Variants in SLC2A14 observed in about 807,000 individuals in gnomAD.
The protein encoded by SLC2A14 is solute carrier family 2 member 14.
Under a neutral mutation model 43.0 loss-of-function variants are expected in SLC2A14, and 13 were observed. The ratio of observed to expected loss-of-function variants is 0.30; its 90% CI spans 0.20 to 0.48. The LOEUF is 0.48. Among genes scored for constraint, SLC2A14 ranks in the 20% least tolerant of loss-of-function variants. The pLI, the probability that SLC2A14 is intolerant of heterozygous loss-of-function variation, is 0.99. For synonymous variants in SLC2A14, 190 were observed against 233.8 expected (o/e 0.81, Z 1.71); for missense variants, 428 against 620.4 (o/e 0.69, Z 3.29).
chr12:7,871,259 C>G, intron 1 of SLC2A14: 1 of 1,201,790 alleles, frequency 8.3e-7, no homozygotes, highest in Non-Finnish European at 1.1e-6. Context: ...GACAGCTTCA[C>G]AGATGAAGAA....
Position 7,829,817 on chromosome 12 carries a change from G to A in SLC2A14, c.462C>T (p.Ala154=), listed in dbSNP as rs773918647. Residue 154 remains alanine, a synonymous_variant, in exon 5 of 11, where the codon GCC becomes GCT. Coordinates refer to ENST00000431042, the MANE Select transcript of SLC2A14 (RefSeq NM_001286234.2). ...GEISPTALRG[A]FGTLNQLGIV... ...TGCCCAGCTGGTTGAGAGTGCCAAA[G>A]GCACCCCTCAGGGCAGTAGGCGAGA... 1 of 1,614,162 alleles carries A rather than the reference G, an allele frequency of 6.2e-7. No homozygotes were observed. The highest frequency in any genetic ancestry group is 1.1e-5 in the South Asian group (1 of 91,080).
chr12:7,881,550 T>C (rs1030896573), intron 1 of SLC2A14, among the ~76,000 whole-genome samples: 2 of 152,134 alleles, frequency 1.3e-5, no homozygotes, highest in Non-Finnish European at 2.9e-5. Flanking sequence ...CAGCCCGCCA[T>C]GCCTGAGCCT....
At chr12:7,862,502 C>T (rs929312458) in intron 2 of SLC2A14, among the ~76,000 whole-genome samples, 4 of 152,026 alleles carry the variant, frequency 2.6e-5, no homozygotes, top group African/African-American at 4.8e-5. Context: ...GACGAGCCTC[C>T]CCGACGAATG....
intron 1 of SLC2A14, among the ~76,000 whole-genome samples, chr12:7,883,173 C>CT (rs1258352376): frequency 6.6e-6 from 1 of 151,878 alleles, no homozygotes; most frequent in East Asian, 1.9e-4. Context: ...CATGCCATTG[C>CT]ACTCCAGTCT....
chr12:7,832,533 CACTA>C (rs751029381), intron 3 of SLC2A14, among the ~76,000 whole-genome samples, 185 bp downstream of exon 3: 187 of 152,288 alleles, frequency 1.2e-3, no homozygotes, highest in African/African-American at 4.1e-3. Flanking sequence ...GAGGGACCCT[CACTA>C]ACTGTGTTGC....
chr12:7,816,428 G>A (rs1448837615), intron 10 of SLC2A14, among the ~76,000 whole-genome samples: 29 of 149,834 alleles, frequency 1.9e-4, no homozygotes, highest in Admixed American at 1.7e-3. Context: ...TAGTAGAGAC[G>A]GGGTTTCTCG....
chr12:7,888,812 A>G (rs1044727522), intron 1 of SLC2A14, among the ~76,000 whole-genome samples: 1 of 143,872 alleles, frequency 7.0e-6, no homozygotes, highest in Non-Finnish European at 1.6e-5. Context: ...AAAAAAAAAA[A>G]AAAGAAAAAA....
intron 7 of SLC2A14, among the ~76,000 whole-genome samples, chr12:7,825,459 CAA>C (rs34023090): frequency 6.6e-4 from 87 of 131,562 alleles, no homozygotes; most frequent in Non-Finnish European, 6.4e-4. Flanking sequence ...GACTACCTCT[CAA>C]AAAAAAAAAA....
At position 7,831,629 on chromosome 12, in the gene SLC2A14, C is replaced by T. The variant is rs780109041; in HGVS notation, c.247G>A (p.Gly83Arg). The T allele has an allele frequency of 6.2e-7, 1 of 1,614,036 alleles. No homozygotes were observed. The highest frequency in any genetic ancestry group is 8.5e-7 in the Non-Finnish European group (1 of 1,180,016). Residue 83 changes from glycine (G) to arginine (R), a missense_variant, in exon 4 of 11, where the codon GGA becomes AGA. Gly to Arg is a moderately radical substitution (Grantham distance 125). Coordinates refer to ENST00000431042, the MANE Select transcript of SLC2A14 (RefSeq NM_001286234.2). ...VGGMIGSFSV[G>R]LFVNRFGRRN... ...CTGCCAAAGCGGTTAACAAAGAGTC[C>T]GACGGAAAAGGAGCCGATCATACCC...
At chr12:7,867,315 G>T (rs761018730) in intron 2 of SLC2A14, among the ~76,000 whole-genome samples, 2 of 147,936 alleles carry the variant, frequency 1.4e-5, no homozygotes, top group Non-Finnish European at 3.0e-5. Flanking sequence ...AAAAACATTC[G>T]TGATTCATGG....
intron 5 of SLC2A14, among the ~76,000 whole-genome samples, chr12:7,829,312 A>T (rs10846009): frequency 0.26 from 39,813 of 151,836 alleles, 5,510 homozygotes; most frequent in East Asian, 0.47. Flanking sequence ...TATAACCCAG[A>T]ATTTTGGGAG....
intron 1 of SLC2A14, among the ~76,000 whole-genome samples, chr12:7,880,719 G>A (rs1338692633): frequency 2.1e-4 from 28 of 133,658 alleles, no homozygotes; most frequent in Non-Finnish European, 3.5e-4. Context: ...AAAAAAGAGA[G>A]AAATTGGCCG....
At chr12:7,821,472 C>G (rs938021334) in intron 7 of SLC2A14, 147 bp from the exon 8 acceptor site, 34 of 634,606 alleles carry the variant, frequency 5.4e-5, no homozygotes, top group Non-Finnish European at 9.2e-5. Context: ...CGCCTGAGGT[C>G]AGGAGTTTGA....
In SLC2A14 at chr12:7,841,197, A is replaced by G. The variant is rs139364426; in HGVS notation, c.19-8383T>C. 2.3e-4 allele frequency among the ~76,000 whole-genome samples: 35 copies of G among 152,122 alleles called. 1 individual carries two copies. The highest frequency in any genetic ancestry group is 8.0e-4 in the African/African-American group (33 of 41,502). On this transcript the variant is annotated intron_variant, in intron 2 of 10. Transcript: ENST00000431042. Reference sequence around the variant, plus strand: ...CAGAAAGTACACAGAGTTCCCATGTACTCCCTTAACACCCCTAATACTAAC... The same window carrying G: ...CAGAAAGTACACAGAGTTCCCATGTGCTCCCTTAACACCCCTAATACTAAC...
chr12:7,886,151 CT>C (rs3044922), intron 1 of SLC2A14, among the ~76,000 whole-genome samples: 1 of 44,696 alleles, frequency 2.2e-5, no homozygotes, highest in African/African-American at 8.9e-5. Context: ...GCCCGGACAG[CT>C]TTTTTTTTTT....
At chr12:7,859,384 C>T (rs1266932665) in intron 2 of SLC2A14, among the ~76,000 whole-genome samples, 4 of 151,546 alleles carry the variant, frequency 2.6e-5, no homozygotes, top group African/African-American at 7.3e-5. Flanking sequence ...AGCAAGACTC[C>T]GCTGTCTCAA....
At chr12:7,882,852 C>A (rs922397030) in intron 1 of SLC2A14, among the ~76,000 whole-genome samples, 1 of 150,118 alleles carries the variant, frequency 6.7e-6, no homozygotes, top group Non-Finnish European at 1.5e-5. Context: ...TTGCTTGAGA[C>A]TTGTTCACCA....
chr12:7,853,311 C>T (rs562457006), intron 2 of SLC2A14, among the ~76,000 whole-genome samples: 8 of 151,308 alleles, frequency 5.3e-5, no homozygotes, highest in South Asian at 2.1e-4. Context: ...TGGTGGTGCG[C>T]GCCTGTAATC....
Position 7,827,500 on chromosome 12 carries a change from T to G in SLC2A14, c.859A>C (p.Asn287His), listed in dbSNP as rs750444102. Residue 287 changes from asparagine (N) to histidine (H), a missense_variant, in exon 7 of 11, where the codon AAT becomes CAT. By Grantham distance (68) the Asn-to-His change is moderately conservative. This residue lies in a region of SLC2A14 where 185 missense variants were observed against 275.4 expected (regional missense o/e 0.67). Transcript: ENST00000431042. ...LQLSQQLSGI[N>H]AVFYYSTGIF... ...CCCTAAAGTATCACACTCACAGCAT[T>G]GATCCCAGAGAGCTGCTGAGAGAGC... The G allele has an allele frequency of 1.2e-6, 2 of 1,610,882 alleles. No homozygotes were observed. The highest frequency in any genetic ancestry group is 8.5e-7 in the Non-Finnish European group (1 of 1,179,490).
Sources: gnomAD v4.1 joint callset for allele counts (sites outside exome capture counted in the v4.1 genomes callset) on GRCh38, gnomAD v4.1.1 for gene constraint, gnomAD v4.1.1 regional missense constraint, MANE v1.5 for transcripts, NCBI Gene and HGNC (gene_info 2026-07-23, HGNC 2026-07-21) for gene names.